Variants in OR2L13 observed in about 807,000 individuals in gnomAD.
OR2L13 encodes the protein olfactory receptor 2L13.
Under a neutral mutation model 15.3 loss-of-function variants are expected in OR2L13, and 14 were observed. The observed-to-expected ratio is 0.91, with a 90% CI of 0.60 to 1.43. OR2L13 has a LOEUF of 1.43. Among genes scored for constraint, OR2L13 ranks in the 40% most tolerant of loss-of-function variants. The pLI is 0.00. For synonymous variants in OR2L13, 152 were observed against 142.9 expected (o/e 1.06, Z -0.45); for missense variants, 367 against 387.9 (o/e 0.95, Z 0.45).
chr1:248,018,346 A>T, the OR2L13 span, among the ~76,000 whole-genome samples: 6 of 152,174 alleles, frequency 3.9e-5, no homozygotes, highest in Admixed American at 3.9e-4. Flanking sequence ...TACAAATGAT[A>T]GAAATGTTTG....
the OR2L13 span, among the ~76,000 whole-genome samples, chr1:248,067,944 G>A: frequency 2.0e-5 from 3 of 152,254 alleles, no homozygotes; most frequent in African/African-American, 7.2e-5. Flanking sequence ...GGCTGGGGGA[G>A]GGGCGCCCGC....
the OR2L13 span, among the ~76,000 whole-genome samples, chr1:248,080,746 T>C: frequency 2.6e-5 from 4 of 152,242 alleles, no homozygotes; most frequent in Non-Finnish European, 4.4e-5. Context: ...CGTGTGCATG[T>C]GTCTTTATAG....
chr1:247,947,943 G>A, the OR2L13 span, among the ~76,000 whole-genome samples: 1 of 152,164 alleles, frequency 6.6e-6, no homozygotes, highest in South Asian at 2.1e-4. Flanking sequence ...TGGGTTGGGT[G>A]GGGAGCTGTT....
chr1:248,023,026 C>T, the OR2L13 span: 1 of 773,874 alleles, frequency 1.3e-6, no homozygotes, highest in Non-Finnish European at 2.0e-6. Context: ...TTAGTCTTGA[C>T]ATTATAGTTG....
upstream of OR2L13, among the ~76,000 whole-genome samples, chr1:248,096,973 CTGGACTGACTTG>C (rs1553285856): frequency 1.3e-5 from 2 of 152,150 alleles, no homozygotes; most frequent in Non-Finnish European, 2.9e-5. Context: ...TATGGGGGCT[CTGGACTGACTTG>C]TGGCAACTAA....
the OR2L13 span, among the ~76,000 whole-genome samples, chr1:247,945,311 G>A: frequency 1.3e-5 from 2 of 152,136 alleles, no homozygotes; most frequent in African/African-American, 4.8e-5. Context: ...ATGTAGTTGT[G>A]TGGTTTTGAG....
the OR2L13 span, among the ~76,000 whole-genome samples, chr1:247,992,680 C>A: frequency 5.3e-5 from 8 of 152,146 alleles, no homozygotes; most frequent in Non-Finnish European, 7.3e-5. Flanking sequence ...CCAGCTCTAT[C>A]CATTATCACT....
At chr1:247,956,120 A>G in the OR2L13 span, among the ~76,000 whole-genome samples, 2 of 149,200 alleles carry the variant, frequency 1.3e-5, no homozygotes, top group Non-Finnish European at 3.0e-5. Context: ...TAATTTTTGT[A>G]TAAGGTGTAA....
chr1:248,087,617 A>T, the OR2L13 span: 1 of 152,148 alleles, frequency 6.6e-6, no homozygotes, highest in East Asian at 1.9e-4. Flanking sequence ...TGCTCTATTT[A>T]GTTAAAAATC....
chr1:248,009,441 T>G, the OR2L13 span, among the ~76,000 whole-genome samples: 2 of 152,182 alleles, frequency 1.3e-5, no homozygotes, highest in African/African-American at 4.8e-5. Context: ...GGCAAATTCC[T>G]GGACATATAC....
intron 1 of OR2L13, among the ~76,000 whole-genome samples, chr1:248,097,503 G>A (rs1664764213): frequency 6.6e-6 from 1 of 152,272 alleles, no homozygotes; most frequent in Non-Finnish European, 1.5e-5. Context: ...CAGATTCACA[G>A]GATCCTAAAA....
chr1:248,032,717 G>A, the OR2L13 span, among the ~76,000 whole-genome samples: 5 of 152,064 alleles, frequency 3.3e-5, no homozygotes, highest in African/African-American at 9.7e-5. Context: ...ATATTCCATT[G>A]TATGTACTCA....
chr1:247,957,802 T>G, the OR2L13 span, among the ~76,000 whole-genome samples: 1 of 152,172 alleles, frequency 6.6e-6, no homozygotes, highest in Non-Finnish European at 1.5e-5. Context: ...CCTTTATCAT[T>G]TTTTATTGTA....
At chr1:247,956,683 A>G in the OR2L13 span, among the ~76,000 whole-genome samples, 5 of 151,542 alleles carry the variant, frequency 3.3e-5, no homozygotes, top group South Asian at 2.1e-4. Context: ...TGGATTCCTA[A>G]GTATTTTATT....
chr1:247,969,237 G>C, the OR2L13 span, among the ~76,000 whole-genome samples: 1 of 151,748 alleles, frequency 6.6e-6, no homozygotes, highest in Non-Finnish European at 1.5e-5. Context: ...CATAGATTCT[G>C]GGTATTAGCC....
chr1:248,019,754 CCTTCTT>C, the OR2L13 span, among the ~76,000 whole-genome samples: 3,210 of 138,980 alleles, frequency 0.023, 123 homozygotes, highest in African/African-American at 0.082. Flanking sequence ...TTCTCCTTCT[CCTTCTT>C]CTTCTTCTTT....
exon 3 of OR2L13, chr1:248,099,585 G>A (rs1338846738): frequency 1.2e-6 from 2 of 1,613,946 alleles, no homozygotes; most frequent in Admixed American, 3.3e-5. Context: ...TTATGGACCT[G>A]ATGTACATCT....
At chr1:247,949,502 T>G in the OR2L13 span, 9 of 1,613,818 alleles carry the variant, frequency 5.6e-6, no homozygotes, top group Non-Finnish European at 7.6e-6. Flanking sequence ...GTATTTCATG[T>G]TCCTATGGCC....
At chr1:247,983,202 G>C in the OR2L13 span, among the ~76,000 whole-genome samples, 15 of 152,172 alleles carry the variant, frequency 9.9e-5, no homozygotes, top group Non-Finnish European at 1.9e-4. Flanking sequence ...TGATGTCCAC[G>C]TGAAGAGTTT....
Sources: allele counts gnomAD v4.1 joint callset (sites outside exome capture counted in the v4.1 genomes callset), GRCh38; gene constraint gnomAD v4.1.1; transcripts MANE v1.5; gene names NCBI Gene and HGNC (gene_info 2026-07-23, HGNC 2026-07-21).